The following TRPM3 variants were observed in gnomAD, a reference collection of about 807,000 sequenced individuals.
TRPM3 encodes long transient receptor potential channel 3.
TRPM3 carries 77 observed loss-of-function variants against 181.2 expected under a neutral mutation model. The observed-to-expected ratio is 0.42, with a 90% CI of 0.35 to 0.51. The LOEUF (loss-of-function observed/expected upper bound fraction) is 0.51, where lower values mean the gene tolerates loss of function less well. Ranked by LOEUF, TRPM3 falls within the 20% of genes least tolerant of loss-of-function variation. The pLI, the probability that TRPM3 is intolerant of heterozygous loss-of-function variation, is 0.01. For missense variants in TRPM3, 1,759 were observed against 2,196.7 expected, an observed-to-expected ratio of 0.80 and a Z score of 3.98; for synonymous variants, 745 against 796.4, an observed-to-expected ratio of 0.94 and a Z score of 1.09.
chr9:71,207,377 T>C (rs2079187912), intron 1 of TRPM3, among the ~76,000 whole-genome samples: 1 of 152,160 alleles, frequency 6.6e-6, no homozygotes, highest in South Asian at 2.1e-4. Flanking sequence ...TATTTAACTT[T>C]CTAATTTAAC....
intron 1 of TRPM3, among the ~76,000 whole-genome samples, chr9:71,279,084 T>TTA (rs1158499603): frequency 6.9e-6 from 1 of 145,196 alleles, no homozygotes; most frequent in East Asian, 2.1e-4. Context: ...CAACGACCAT[T>TTA]TATGCTCATT....
chr9:71,012,514 C>T (rs2097754472), intron 1 of TRPM3, among the ~76,000 whole-genome samples: 1 of 151,590 alleles, frequency 6.6e-6, no homozygotes, highest in South Asian at 2.1e-4. Flanking sequence ...AACTTTACAG[C>T]CAACTTGTTT....
At chr9:70,948,574 T>C (rs1455195517) in intron 1 of TRPM3, among the ~76,000 whole-genome samples, 1 of 152,190 alleles carries the variant, frequency 6.6e-6, no homozygotes, top group South Asian at 2.1e-4. Context: ...AGGTTAAAGA[T>C]GAATGGATCT....
intron 1 of TRPM3, among the ~76,000 whole-genome samples, chr9:71,420,633 GAAAA>G (rs1280822616): frequency 8.7e-6 from 1 of 115,192 alleles, no homozygotes; most frequent in Non-Finnish European, 1.9e-5. Flanking sequence ...AAAAGAAAAA[GAAAA>G]AGAGAGAGAA....
intron 25 of TRPM3, among the ~76,000 whole-genome samples, chr9:70,543,614 G>T (rs573858041): frequency 2.4e-4 from 37 of 152,040 alleles, no homozygotes; most frequent in Non-Finnish European, 4.6e-4. Flanking sequence ...TTCTGTGCCT[G>T]GCTTTGAATA....
intron 9 of TRPM3, among the ~76,000 whole-genome samples, chr9:70,654,370 A>G (rs1459563470): frequency 6.6e-6 from 1 of 152,096 alleles, no homozygotes; most frequent in Non-Finnish European, 1.5e-5. Context: ...AGTGGCCCTT[A>G]TAGGGAAATC....
intron 1 of TRPM3, among the ~76,000 whole-genome samples, chr9:71,148,420 A>T (rs182331755): frequency 9.3e-4 from 142 of 152,260 alleles, no homozygotes; most frequent in Non-Finnish European, 1.7e-3. Flanking sequence ...AATACTTGCA[A>T]TGTCTAAGGT....
intron 1 of TRPM3, among the ~76,000 whole-genome samples, chr9:71,028,996 G>A (rs1477103887): frequency 1.3e-5 from 2 of 152,110 alleles, no homozygotes; most frequent in African/African-American, 4.8e-5. Context: ...TTGCCACATG[G>A]CATGTATTCT....
intron 1 of TRPM3, among the ~76,000 whole-genome samples, chr9:71,178,511 C>T (rs2077228186): frequency 6.6e-6 from 1 of 152,072 alleles, no homozygotes; most frequent in South Asian, 2.1e-4. Flanking sequence ...GACTAGTCCA[C>T]ATCAAAGATG....
chr9:71,023,251 T>C (rs1441531642), intron 1 of TRPM3, among the ~76,000 whole-genome samples: 1 of 152,164 alleles, frequency 6.6e-6, no homozygotes, highest in Non-Finnish European at 1.5e-5. Context: ...CAAACGTAAT[T>C]CGCCATCAGG....
At chr9:70,760,818 A>G (rs2078000031) in intron 8 of TRPM3, 2 of 152,060 alleles carry the variant, frequency 1.3e-5, no homozygotes, top group African/African-American at 4.8e-5. Context: ...TCTGAATAAA[A>G]ATACTCCATA....
chr9:71,257,440 T>C (rs751102406), intron 1 of TRPM3, among the ~76,000 whole-genome samples: 2 of 152,136 alleles, frequency 1.3e-5, no homozygotes, highest in Non-Finnish European at 2.9e-5. Context: ...AGGCAAAATA[T>C]AGCGATTTCA....
At position 70,752,310 on chromosome 9, in the gene TRPM3, C is replaced by T. The variant is rs921314893; in HGVS notation, c.1272+9291G>A. ...GCTTTATGAAAGAGCTGGCATTATG[C>T]GACATAAGGATGGACCATTAAATAA... On this transcript the variant is annotated intron_variant, in intron 8 of 25. Transcript: ENST00000677713. 5.3e-5 allele frequency among the ~76,000 whole-genome samples: 8 copies of T among 152,052 alleles called. No individual in the cohort carries two copies. The East Asian group carries it at 7.7e-4, about 15-fold the overall frequency.
At chr9:70,610,781 C>G in intron 18 of TRPM3, 32 bp from the exon 19 acceptor site, 1 of 1,612,436 alleles carries the variant, frequency 6.2e-7, no homozygotes, top group Non-Finnish European at 8.5e-7. Context: ...ACCATCATGA[C>G]AGGGCTCTGG....
intron 1 of TRPM3, among the ~76,000 whole-genome samples, chr9:71,352,197 T>C (rs2091679418): frequency 6.6e-6 from 1 of 152,192 alleles, no homozygotes; most frequent in East Asian, 1.9e-4. Flanking sequence ...ATCTTTTAAG[T>C]GAATAGTGTA....
intron 1 of TRPM3, among the ~76,000 whole-genome samples, chr9:71,028,318 C>T (rs573959902): frequency 1.3e-5 from 2 of 152,156 alleles, no homozygotes; most frequent in East Asian, 3.9e-4. Flanking sequence ...CTGAAAGAAG[C>T]AATAAATATG....
chr9:71,083,713 TACACACACACACAC>T (rs34900575), intron 1 of TRPM3, among the ~76,000 whole-genome samples: 1 of 145,290 alleles, frequency 6.9e-6, no homozygotes, highest in African/African-American at 2.5e-5. Flanking sequence ...TATTATTATG[TACACACACACACAC>T]ACACACACAC....
At chr9:70,914,942 C>G (rs1188475690) in intron 1 of TRPM3, among the ~76,000 whole-genome samples, 1 of 152,152 alleles carries the variant, frequency 6.6e-6, no homozygotes, top group Non-Finnish European at 1.5e-5. Flanking sequence ...TTACAACACC[C>G]AAGTCCTTTT....
At chr9:71,428,257 T>A (rs1448424461) in intron 1 of TRPM3, among the ~76,000 whole-genome samples, 1 of 142,042 alleles carries the variant, frequency 7.0e-6, no homozygotes, top group Non-Finnish European at 1.5e-5. Context: ...ATGCCCGGCT[T>A]TTTTTTTTTT....
Sources: gnomAD v4.1 joint callset for allele counts (sites outside exome capture counted in the v4.1 genomes callset) on GRCh38, gnomAD v4.1.1 for gene constraint, MANE v1.5 for transcripts, NCBI Gene and HGNC (gene_info 2026-07-23, HGNC 2026-07-21) for gene names.